SEPTIN2: variants seen among roughly 807,000 people sequenced by gnomAD.
SEPTIN2 encodes the protein septin-2.
SEPTIN2 carries 34 observed loss-of-function variants against 46.5 expected under a neutral mutation model. The ratio of observed to expected loss-of-function variants is 0.73; its 90% CI spans 0.56 to 0.97. The LOEUF (loss-of-function observed/expected upper bound fraction) is 0.97. Ranked by LOEUF, SEPTIN2 falls within the 50% of genes least tolerant of loss-of-function variation. The pLI is 0.00. For missense variants in SEPTIN2, 347 were observed against 448.4 expected (o/e 0.77, Z 2.04); for synonymous variants, 175 against 153.4 (o/e 1.14, Z -1.04).
chr2:241,316,394 T>C, intron 1 of SEPTIN2: 5 of 1,057,246 alleles, frequency 4.7e-6, no homozygotes, highest in Non-Finnish European at 6.5e-6. Context: ...CCATCTTGTC[T>C]TTCTAACGGT....
At chr2:241,317,787 A>C (rs1575111910) in intron 1 of SEPTIN2, among the ~76,000 whole-genome samples, 1 of 152,142 alleles carries the variant, frequency 6.6e-6, no homozygotes, top group Non-Finnish European at 1.5e-5. Context: ...TTCATCTTCT[A>C]TCTTTTGTTT....
At chr2:241,340,193 C>T (rs936082268) in intron 7 of SEPTIN2, among the ~76,000 whole-genome samples, 1 of 152,170 alleles carries the variant, frequency 6.6e-6, no homozygotes, top group Admixed American at 6.5e-5. Context: ...TAATGTGTTT[C>T]CTGTCTGAGA....
chr2:241,338,690 ATATATAT>A (rs1410117356), intron 7 of SEPTIN2, among the ~76,000 whole-genome samples: 1 of 115,996 alleles, frequency 8.6e-6, no homozygotes, highest in Admixed American at 1.2e-4. Flanking sequence ...TACATATGTA[ATATATAT>A]TATATTTATA....
intron 1 of SEPTIN2, chr2:241,317,534 T>A: frequency 3.1e-6 from 3 of 979,770 alleles, no homozygotes; most frequent in Non-Finnish European, 3.6e-6. Flanking sequence ...AAGTTGTGGG[T>A]ATTTTTTTTT....
intron 1 of SEPTIN2, among the ~76,000 whole-genome samples, chr2:241,320,863 C>T (rs1163385632): frequency 6.6e-6 from 1 of 152,000 alleles, no homozygotes. Flanking sequence ...CATTTTTTCT[C>T]TTTATTGATT....
intron 1 of SEPTIN2, chr2:241,316,616 TGAG>T (rs2076317104): frequency 7.9e-7 from 1 of 1,265,608 alleles, no homozygotes; most frequent in Admixed American, 2.8e-5. Flanking sequence ...GGCCCGGGGA[TGAG>T]GAGCAAACCT....
At chr2:241,325,932 T>A in intron 2 of SEPTIN2, 61 bp from the exon 3 acceptor site, 6 of 1,501,598 alleles carry the variant, frequency 4.0e-6, no homozygotes, top group Non-Finnish European at 5.4e-6. Context: ...TCTAACTGAT[T>A]ATATCTTAAA....
chr2:241,344,335 A>T (rs1201785632), intron 9 of SEPTIN2, among the ~76,000 whole-genome samples: 1 of 152,174 alleles, frequency 6.6e-6, no homozygotes, highest in Admixed American at 6.5e-5. Context: ...GGCCCTGGTT[A>T]GCTTTTTGTG....
chr2:241,324,295 C>G, intron 2 of SEPTIN2, 54 bp downstream of exon 2: 1 of 1,455,300 alleles, frequency 6.9e-7, no homozygotes, highest in Non-Finnish European at 9.6e-7. Context: ...TTTATGTTTT[C>G]AGACTGTTGA....
intron 2 of SEPTIN2, 36 bp downstream of exon 2, chr2:241,324,277 G>A: frequency 6.3e-7 from 1 of 1,575,264 alleles, no homozygotes; most frequent in Middle Eastern, 1.7e-4. Flanking sequence ...AGCATAAGGA[G>A]AAATTGCTTT....
At chr2:241,351,060 G>A (rs1250235299) in intron 12 of SEPTIN2, among the ~76,000 whole-genome samples, 1 of 152,150 alleles carries the variant, frequency 6.6e-6, no homozygotes. Context: ...AGGATGAAAC[G>A]CTGGGAATTT....
Position 241,350,189 on chromosome 2 carries a change from A to T in SEPTIN2, c.*15A>T. 1 of 1,595,536 alleles carries T rather than the reference A, an allele frequency of 6.3e-7. No homozygotes were observed. Among genetic ancestry groups the T allele is most frequent in the Non-Finnish European group, 8.5e-7 (1 of 1,170,914 alleles). ...ACCACGTGTAAGGTGATGTGCACATATCAAGAAGTCAGAGGTAGGCCCTGT... is the reference window on the plus strand; with the variant it reads ...ACCACGTGTAAGGTGATGTGCACATTTCAAGAAGTCAGAGGTAGGCCCTGT... On this transcript the variant is annotated 3_prime_UTR_variant, in exon 12 of 13. Transcript: ENST00000391971.
chr2:241,346,464 T>C (rs943205543), intron 10 of SEPTIN2: 2 of 319,176 alleles, frequency 6.3e-6, no homozygotes, highest in Non-Finnish European at 1.2e-5. Context: ...GTAAAAACTT[T>C]AGGCCAGGCA....
At chr2:241,349,743 C>A (rs894522275) in intron 11 of SEPTIN2, among the ~76,000 whole-genome samples, 1 of 152,106 alleles carries the variant, frequency 6.6e-6, no homozygotes, top group East Asian at 1.9e-4. Context: ...ATCGCTTGAA[C>A]CCGGGAGGCG....
At chr2:241,323,143 G>T (rs1366760984) in intron 1 of SEPTIN2, among the ~76,000 whole-genome samples, 1 of 151,710 alleles carries the variant, frequency 6.6e-6, no homozygotes, top group Non-Finnish European at 1.5e-5. Flanking sequence ...TGGGATTACA[G>T]GCGTCAGCCA....
At chr2:241,316,229 G>T in intron 1 of SEPTIN2, 1 of 356,582 alleles carries the variant, frequency 2.8e-6, no homozygotes, top group Non-Finnish European at 5.1e-6. Context: ...CGCGGGAGTG[G>T]GGATTCCGGT....
At chr2:241,348,321 G>A (rs1019568080) in intron 11 of SEPTIN2, 130 bp downstream of exon 11, 17 of 521,464 alleles carry the variant, frequency 3.3e-5, no homozygotes, top group South Asian at 1.5e-4. Flanking sequence ...TCTGCCTCCC[G>A]GGTTCAAGTG....
chr2:241,337,995 A>G (rs941492527), intron 7 of SEPTIN2, among the ~76,000 whole-genome samples: 7 of 152,182 alleles, frequency 4.6e-5, no homozygotes, highest in African/African-American at 9.7e-5. Flanking sequence ...TCAAATTTCT[A>G]TTCTTTAAAT....
intron 8 of SEPTIN2, 47 bp from the exon 9 acceptor site, chr2:241,343,705 T>C: frequency 6.2e-7 from 1 of 1,608,762 alleles, no homozygotes; most frequent in Non-Finnish European, 8.5e-7. Context: ...CAGTGAACTC[T>C]GGGGTTCCCT....
Sources: allele counts gnomAD v4.1 joint callset (sites outside exome capture counted in the v4.1 genomes callset), GRCh38; gene constraint gnomAD v4.1.1; transcripts MANE v1.5; gene names NCBI Gene and HGNC (gene_info 2026-07-23, HGNC 2026-07-21).